Variants in KARS1 observed in about 807,000 individuals in gnomAD.
KARS1 encodes lysyl-tRNA synthetase 1, also known as lysine--tRNA ligase.
KARS1 carries 50 observed loss-of-function variants against 63.9 expected under a neutral mutation model. The ratio of observed to expected loss-of-function variants is 0.78; its 90% CI spans 0.62 to 0.99. The LOEUF (loss-of-function observed/expected upper bound fraction) is 0.99. KARS1 is among the 50% of genes least tolerant of loss of function. The probability of loss-of-function intolerance (pLI) is 0.00; values close to 1 mark genes in which losing one functional copy is unlikely to be tolerated. For missense variants in KARS1, 816 were observed against 754.5 expected (o/e 1.08, Z -0.95); for synonymous variants, 320 against 264.6 (o/e 1.21, Z -2.03).
rs1047278317 is a variant in KARS1, at chr16:75,641,844, C to T, written c.63-121G>A. ...AGAAACGCTCTTGCTCAGTTCTATA[C>T]CCCTCAATTCCACACCCACAGCTCA... On this transcript the variant is annotated intron_variant, in intron 1 of 13. Coordinates refer to ENST00000302445, the MANE Select transcript of KARS1 (RefSeq NM_005548.3). 1.7e-5 allele frequency: 16 copies of T among 949,510 alleles called. No homozygotes were observed. The African/African-American group carries it at 2.2e-4, about 13-fold the overall frequency. The allele number at this position is 949,510 out of a possible 1,614,324, so 58.8% of individuals were successfully genotyped here. A position where few individuals can be genotyped will look rare whatever the true frequency, so the allele number is the denominator to read the frequency against.
At position 75,641,821 on chromosome 16, in the gene KARS1, A is replaced by G. The variant is rs1597175651; in HGVS notation, c.63-98T>C. The G allele has an allele frequency of 3.1e-6, 4 of 1,292,506 alleles. No homozygotes were observed. In the East Asian group the frequency reaches 9.2e-5, roughly 30 times the overall value. 80.1% of individuals were successfully genotyped at this position (1,292,506 alleles called of 1,614,324 possible). ...ATCAAAAACATGAATCGCCCAGGAG[A>G]AACGCTCTTGCTCAGTTCTATACCC... On this transcript the variant is annotated intron_variant, in intron 1 of 13. Coordinates refer to ENST00000302445, the MANE Select transcript of KARS1 (RefSeq NM_005548.3).
intron 1 of KARS1, among the ~76,000 whole-genome samples, chr16:75,646,296 A>G (rs2082282496): frequency 6.6e-6 from 1 of 152,174 alleles, no homozygotes. Context: ...TCATCCCAGC[A>G]CTTTGGGAGG....
rs749139832 is a variant in KARS1, at chr16:75,629,447, G to A, written c.1519C>T (p.Arg507Trp). Residue 507 changes from arginine to tryptophan, a missense_variant, in exon 12 of 14, where the codon CGG (arginine) becomes TGG (tryptophan). Coordinates refer to ENST00000302445, the MANE Select transcript of KARS1 (RefSeq NM_005548.3). ...NAYTELNDPMRQRQLFEEQAK... is the reference protein window; with the variant it reads ...NAYTELNDPMWQRQLFEEQAK... ...TGTTCTTCAAAAAGCTGCCGCTGCC[G>A]CATGGGATCATTCAGCTCAGTATAC... The A allele has an allele frequency of 2.9e-5, 47 of 1,614,066 alleles. No individual in the cohort carries two copies. The Middle Eastern group carries it at 8.2e-4, about 28-fold the overall frequency.
rs58508930 is a variant in KARS1, at chr16:75,629,208, G to A, written c.1551+207C>T. Among the ~76,000 whole-genome samples the A allele has an allele frequency of 0.098, 14,876 of 152,170 alleles. 2,438 individuals are homozygous for A. Among genetic ancestry groups the A allele is most frequent in the East Asian group, 0.71 (3,687 of 5,166 alleles). The stretch of plus-strand genomic sequence containing the variant: ...AAGGCAAGCGTCACGCTTTCCATAC[G>A]GAGATTAATAATGAAGTTCCTCTTA... On this transcript the variant is annotated intron_variant, in intron 12 of 13. Transcript: ENST00000302445.
rs562283102 is a variant in KARS1 at position 75,632,279 on chromosome 16, G to T, written c.916-424C>A. ...TTTTCACAGGTTAGGTATACTCTCAGGTCTCTGGTCAAATTGCCAAGCACC... is the reference window on the plus strand; with the variant it reads ...TTTTCACAGGTTAGGTATACTCTCATGTCTCTGGTCAAATTGCCAAGCACC... On this transcript the variant is annotated intron_variant, in intron 7 of 13. Transcript: ENST00000302445. Among the ~76,000 whole-genome samples the T allele has an allele frequency of 2.0e-5, 3 of 152,306 alleles. No homozygotes were observed. The South Asian group carries it at 6.2e-4, about 32-fold the overall frequency.
intron 6 of KARS1, 79 bp downstream of exon 6, chr16:75,635,601 T>C: frequency 6.6e-7 from 1 of 1,506,872 alleles, no homozygotes; most frequent in Non-Finnish European, 9.2e-7. Context: ...AGGATACGCT[T>C]TGGAAAAGGA....
chr16:75,635,567 A>G, intron 6 of KARS1, 113 bp downstream of exon 6: 1 of 1,200,500 alleles, frequency 8.3e-7, no homozygotes, highest in South Asian at 1.2e-5. Context: ...GGACATTCTC[A>G]TTAGGCATGA....
chr16:75,639,039 G>A (rs1201243115), intron 3 of KARS1, among the ~76,000 whole-genome samples: 2 of 151,908 alleles, frequency 1.3e-5, no homozygotes. Context: ...GTGGTGGCAG[G>A]CGCCTGTAAT....
chr16:75,641,446 C>A (rs895978449), intron 2 of KARS1, 118 bp downstream of exon 2: 4 of 830,158 alleles, frequency 4.8e-6, no homozygotes, highest in Non-Finnish European at 7.9e-6. Context: ...CCTCCCTTAT[C>A]CCTGGCAGTG....
chr16:75,638,281 A>C (rs2082186364), intron 3 of KARS1, among the ~76,000 whole-genome samples: 1 of 151,464 alleles, frequency 6.6e-6, no homozygotes, highest in South Asian at 2.1e-4. Context: ...GATTTGTCAT[A>C]TAGGTATACA....
chr16:75,646,366 C>A (rs893991095), intron 1 of KARS1, among the ~76,000 whole-genome samples: 1 of 151,968 alleles, frequency 6.6e-6, no homozygotes, highest in East Asian at 2.0e-4. Context: ...CATGGTGAAA[C>A]CCTGTCTCTA....
At chr16:75,647,366 C>T in intron 1 of KARS1, 1 of 644,322 alleles carries the variant, frequency 1.6e-6, no homozygotes, top group South Asian at 1.8e-5. Flanking sequence ...AGGGAGCATC[C>T]CGCCGGTGCC....
At chr16:75,638,955 G>T (rs984063359) in intron 3 of KARS1, among the ~76,000 whole-genome samples, 1 of 152,050 alleles carries the variant, frequency 6.6e-6, no homozygotes, top group Non-Finnish European at 1.5e-5. Context: ...ATCACCTGAG[G>T]TCAGGAGTTC....
chr16:75,642,490 C>T (rs892213892), intron 1 of KARS1, among the ~76,000 whole-genome samples: 1 of 152,096 alleles, frequency 6.6e-6, no homozygotes, highest in African/African-American at 2.4e-5. Flanking sequence ...GTGTGAGCCA[C>T]CTGACCCCTC....
At chr16:75,642,523 T>C (rs2082237347) in intron 1 of KARS1, among the ~76,000 whole-genome samples, 3 of 152,072 alleles carry the variant, frequency 2.0e-5, no homozygotes, top group Admixed American at 6.6e-5. Flanking sequence ...TAATACATGA[T>C]AAGGCAACAT....
Position 75,636,502 on chromosome 16 carries a change from T to A in KARS1, c.434A>T (p.Tyr145Phe). 1 of 1,613,754 alleles carries A rather than the reference T, an allele frequency of 6.2e-7. No homozygotes were observed. The highest frequency in any genetic ancestry group is 8.5e-7 in the Non-Finnish European group (1 of 1,179,684). Residue 145 changes from tyrosine to phenylalanine, a missense_variant, in exon 4 of 14, where the codon TAT (tyrosine) becomes TTT (phenylalanine). Coordinates refer to ENST00000302445, the MANE Select transcript of KARS1 (RefSeq NM_005548.3). Reference protein sequence around the residue: ...KRASGGKLIFYDLRGEGVKLQ... With the variant: ...KRASGGKLIFFDLRGEGVKLQ... Reference sequence around the variant, plus strand: ...CTTCACCCCCTCTCCTCGAAGATCATAGAAGATGAGCTTTCCCCCAGAAGC... The same window carrying A: ...CTTCACCCCCTCTCCTCGAAGATCAAAGAAGATGAGCTTTCCCCCAGAAGC...
intron 11 of KARS1, 117 bp from the exon 12 acceptor site, chr16:75,629,658 G>C: frequency 6.2e-6 from 7 of 1,121,080 alleles, no homozygotes; most frequent in Non-Finnish European, 9.2e-6. Context: ...GGAGTGCAGT[G>C]GTGTGATCTC....
rs765014185 is a variant in KARS1 at position 75,628,587 on chromosome 16, C to A, written c.1677G>T (p.Thr559=). 6.2e-7 allele frequency: 1 copy of A among 1,613,940 alleles called. No homozygotes were observed. The highest frequency in any genetic ancestry group is 8.5e-7 in the Non-Finnish European group (1 of 1,180,008). ...MGIDRVAMFL[T]DSNNIKEVLL... is the part of the protein sequence containing the mutation. ...TACGTACCTTGATGTTGTTGGAGTC[C>A]GTGAGAAACATGGCGACTCGATCAA... Residue 559 remains threonine, a synonymous_variant, in exon 13 of 14, where the codon ACG becomes ACT. Coordinates refer to ENST00000302445, the MANE Select transcript of KARS1 (RefSeq NM_005548.3).
chr16:75,637,451 C>T (rs188179563), intron 3 of KARS1, among the ~76,000 whole-genome samples: 10 of 152,016 alleles, frequency 6.6e-5, no homozygotes, highest in East Asian at 5.8e-4. Context: ...GGGATGTGTC[C>T]GTTTCCATAC....
Sources: gnomAD v4.1 joint callset for allele counts (sites outside exome capture counted in the v4.1 genomes callset) on GRCh38, gnomAD v4.1.1 for gene constraint, MANE v1.5 for transcripts, NCBI Gene and HGNC (gene_info 2026-07-23, HGNC 2026-07-21) for gene names.